The following TNRC18 variants were observed in gnomAD, a reference collection of about 807,000 sequenced individuals.
TNRC18 encodes the protein trinucleotide repeat-containing gene 18 protein.
In TNRC18, 69 loss-of-function variants were observed where a neutral mutation model predicts 226.7. The ratio of observed to expected loss-of-function variants is 0.30; its 90% CI spans 0.25 to 0.37. TNRC18 has a LOEUF of 0.37. Ranked by LOEUF, TNRC18 falls within the 10% of genes least tolerant of loss-of-function variation. The pLI is 1.00. For missense variants in TNRC18, 4,754 were observed against 4,256.6 expected, an observed-to-expected ratio of 1.12 and a Z score of -3.25; for synonymous variants, 2,449 against 1,927.6, an observed-to-expected ratio of 1.27 and a Z score of -7.09.
In TNRC18 at chr7:5,374,561, C is replaced by G. The variant is rs1308794185; in HGVS notation, c.2800-77G>C. The G allele has an allele frequency of 7.7e-6, 11 of 1,425,672 alleles. No individual in the cohort carries two copies. The South Asian group carries it at 9.4e-5, about 12-fold the overall frequency. The allele number at this position is 1,425,672 out of a possible 1,614,324, so 88.3% of individuals were successfully genotyped here. On this transcript the variant is annotated intron_variant, in intron 9 of 29. Coordinates refer to ENST00000430969, the MANE Select transcript of TNRC18 (RefSeq NM_001080495.3). Reference sequence around the variant, plus strand: ...CGACGCCCGCACCTGCCCTGTCCCCCCAAGGGTCCCCGAGTCCGAGGAGAA... The same window carrying G: ...CGACGCCCGCACCTGCCCTGTCCCCGCAAGGGTCCCCGAGTCCGAGGAGAA...
chr7:5,309,169 T>A lies in TNRC18; in HGVS notation c.8588A>T (p.Glu2863Val). The A allele has an allele frequency of 6.2e-7, 1 of 1,612,454 alleles. No homozygotes were observed. Among genetic ancestry groups the A allele is most frequent in the Non-Finnish European group, 8.5e-7 (1 of 1,179,700 alleles). ...VVRVKWFYHPEETSPGKQFHQ... is the reference protein window; with the variant it reads ...VVRVKWFYHPVETSPGKQFHQ... ...GAACTGCTTGCCCGGGCTGGTCTCCTCGGGGTGGTAGAACCACTTGACGCG... is the reference window on the plus strand; with the variant it reads ...GAACTGCTTGCCCGGGCTGGTCTCCACGGGGTGGTAGAACCACTTGACGCG... The change falls in exon 28 of 30, where the codon GAG becomes GTG. Residue 2863 changes from glutamate (E) to valine (V), a missense_variant. Coordinates refer to ENST00000430969, the MANE Select transcript of TNRC18 (RefSeq NM_001080495.3). This position sits in a 1 kb window ranked among gnomAD's most constrained non-coding sequence, Gnocchi z 5.7.
chr7:5,410,223 A>C (rs1021123653), intron 2 of TNRC18, among the ~76,000 whole-genome samples: 3 of 151,048 alleles, frequency 2.0e-5, no homozygotes, highest in African/African-American at 7.3e-5. Flanking sequence ...AGGAATGAGA[A>C]TCATTTGAAC....
At chr7:5,335,347 C>A (rs1789988666) in intron 18 of TNRC18, among the ~76,000 whole-genome samples, 1 of 145,828 alleles carries the variant, frequency 6.9e-6, no homozygotes, top group African/African-American at 2.5e-5. Context: ...CAGTGGCTCA[C>A]ACCTGTAATC....
rs187221079 is a variant in TNRC18 at position 5,377,168 on chromosome 7, T to A, written c.2462-175A>T. Reference sequence around the variant, plus strand: ...AAAGAGCACCCCAGAGCCACCCGCATTGGGCATCTGCCCCAAACAGGCATG... The same window carrying A: ...AAAGAGCACCCCAGAGCCACCCGCAATGGGCATCTGCCCCAAACAGGCATG... On this transcript the variant is annotated intron_variant, in intron 7 of 29. Coordinates refer to ENST00000430969, the MANE Select transcript of TNRC18 (RefSeq NM_001080495.3). This position sits in a 1 kb window ranked among gnomAD's most constrained non-coding sequence, Gnocchi z 5.8. Among the ~76,000 whole-genome samples the A allele has an allele frequency of 8.3e-4, 126 of 152,304 alleles. 2 individuals carry two copies. The East Asian group carries it at 0.022, about 27-fold the overall frequency.
intron 27 of TNRC18, among the ~76,000 whole-genome samples, chr7:5,310,304 A>C (rs1433178739): frequency 6.6e-6 from 1 of 152,152 alleles, no homozygotes; most frequent in Admixed American, 6.6e-5. Context: ...ATCTTGGCTC[A>C]CTGTAGCCTC....
rs947181353 is a variant in TNRC18, at chr7:5,312,402, G to A, written c.8388+101C>T. The A allele has an allele frequency of 3.4e-6, 5 of 1,470,044 alleles. No individual in the cohort carries two copies. In the East Asian group the frequency reaches 1.2e-4, roughly 36 times the overall value. The allele number at this position is 1,470,044 out of a possible 1,614,324, so 91.1% of individuals were successfully genotyped here. On this transcript the variant is annotated intron_variant, in intron 27 of 29. Coordinates refer to ENST00000430969, the MANE Select transcript of TNRC18 (RefSeq NM_001080495.3). This position sits in a 1 kb window ranked among gnomAD's most constrained non-coding sequence, Gnocchi z 6.3. ...GCCAGCCCTCCACCCTGGGGTTCTG[G>A]GAGGTTACCACACACGGAGACACAG...
intron 11 of TNRC18, among the ~76,000 whole-genome samples, chr7:5,367,722 C>T (rs1793751429): frequency 6.6e-6 from 1 of 151,538 alleles, no homozygotes; most frequent in Non-Finnish European, 1.5e-5. Context: ...GCCACCGTGC[C>T]TGGCCAACCA....
intron 2 of TNRC18, among the ~76,000 whole-genome samples, chr7:5,408,083 C>T (rs1348576261): frequency 1.3e-5 from 2 of 152,040 alleles, no homozygotes; most frequent in African/African-American, 2.4e-5. Context: ...GGGTGGATCA[C>T]GAGGTTAGGA....
intron 17 of TNRC18, among the ~76,000 whole-genome samples, chr7:5,349,950 C>T (rs1791610828): frequency 6.6e-6 from 1 of 152,218 alleles, no homozygotes; most frequent in Non-Finnish European, 1.5e-5. Context: ...CCGCACTCCC[C>T]TATCTGGGTC....
At chr7:5,409,977 C>A (rs1206442603) in intron 2 of TNRC18, among the ~76,000 whole-genome samples, 1 of 143,894 alleles carries the variant, frequency 6.9e-6, no homozygotes, top group Non-Finnish European at 1.5e-5. Context: ...GGTGAAAGAG[C>A]AAGACTACGT....
At chr7:5,363,531 G>T (rs542608301) in intron 11 of TNRC18, among the ~76,000 whole-genome samples, 1 of 152,258 alleles carries the variant, frequency 6.6e-6, no homozygotes, top group South Asian at 2.1e-4. Context: ...GAGAACCTGG[G>T]AGGCGGAGCT....
Position 5,387,739 on chromosome 7 carries a change from G to A in TNRC18, c.2085C>T (p.Gly695=), listed in dbSNP as rs548073889. The part of the protein sequence containing the change: ...AVAVARQKDS[G]GSGRLGPGLV... ...GCCCAGGCCCCAGCCGGCCACTGCC[G>A]CCACTGTCCTTCTGCCGGGCCACAG... Residue 695 remains glycine, a synonymous_variant, in exon 5 of 30, where the codon GGC becomes GGT. Transcript: ENST00000430969. The A allele has an allele frequency of 3.1e-6, 5 of 1,606,850 alleles. No individual in the cohort carries two copies. In the East Asian group the frequency reaches 6.7e-5, roughly 21 times the overall value.
intron 2 of TNRC18, among the ~76,000 whole-genome samples, chr7:5,398,450 G>A (rs141443831): frequency 0.033 from 4,969 of 150,854 alleles, 103 homozygotes; most frequent in Middle Eastern, 0.056. Flanking sequence ...GATTACAGGC[G>A]TGAGCCACCG....
rs748712591 is a variant in TNRC18 at position 5,370,891 on chromosome 7, G to A, written c.3703C>T (p.Arg1235Trp). Reference sequence around the variant, plus strand: ...AGGGCGGCGGTGCAGGGTTCTGTCCGGCCCGGGGAATCCACCCGTGGTTCA... The same window carrying A: ...AGGGCGGCGGTGCAGGGTTCTGTCCAGCCCGGGGAATCCACCCGTGGTTCA... ...GPEPRVDSPG[R>W]TEPCTAALDL... Residue 1235 changes from arginine to tryptophan, a missense_variant, in exon 11 of 30, where the codon CGG (arginine) becomes TGG (tryptophan). Coordinates refer to ENST00000430969, the MANE Select transcript of TNRC18 (RefSeq NM_001080495.3). The A allele has an allele frequency of 3.6e-5, 58 of 1,606,742 alleles. No individual in the cohort carries two copies. The highest frequency in any genetic ancestry group is 4.4e-5 in the Non-Finnish European group (52 of 1,179,722).
intron 21 of TNRC18, among the ~76,000 whole-genome samples, chr7:5,321,976 C>CT (rs761161662): frequency 2.6e-4 from 39 of 151,430 alleles, no homozygotes; most frequent in Non-Finnish European, 4.7e-4. Flanking sequence ...CGGCCTCTTT[C>CT]TTTTTTTTAA....
At chr7:5,315,905 TG>T in intron 25 of TNRC18, 50 bp downstream of exon 25, 2 of 1,403,600 alleles carry the variant, frequency 1.4e-6, no homozygotes, top group Non-Finnish European at 1.9e-6. Context: ...GGCGAGAGCC[TG>T]GGTGGGCGGC....
At chr7:5,325,292 A>G (rs1788784602) in intron 19 of TNRC18, 44 bp from the exon 20 acceptor site, 1 of 1,536,352 alleles carries the variant, frequency 6.5e-7, no homozygotes, top group African/African-American at 1.4e-5. Context: ...ACGGCAGGGA[A>G]AGCACAGGCA....
intron 18 of TNRC18, among the ~76,000 whole-genome samples, chr7:5,340,902 T>C (rs997775789): frequency 2.0e-5 from 3 of 152,186 alleles, no homozygotes; most frequent in African/African-American, 4.8e-5. Flanking sequence ...ATTTGCAATG[T>C]GGACAAAACA....
At position 5,389,014 on chromosome 7, in the gene TNRC18, C is replaced by T; in HGVS notation, c.810G>A (p.Lys270=). 7.5e-7 allele frequency: 1 copy of T among 1,340,112 alleles called. No individual in the cohort carries two copies. Among genetic ancestry groups the T allele is most frequent in the South Asian group, 1.6e-5 (1 of 62,710 alleles). The allele number at this position is 1,340,112 out of a possible 1,614,324, so 83.0% of individuals were successfully genotyped here. A position where few individuals can be genotyped will look rare whatever the true frequency, so the allele number is the denominator to read the frequency against. ...ERLSPFLAES[K]TKNAALQPSV... ...ACGGCTGCAGCGCCGCATTCTTGGT[C>T]TTGGACTCAGCCAGGAAGGGCGACA... Residue 270 remains lysine (K), a synonymous_variant, in exon 5 of 30, where the codon AAG becomes AAA. Coordinates refer to ENST00000430969, the MANE Select transcript of TNRC18 (RefSeq NM_001080495.3).
Sources: gnomAD v4.1 joint callset for allele counts (sites outside exome capture counted in the v4.1 genomes callset) on GRCh38, gnomAD v4.1.1 for gene constraint, Gnocchi (gnomAD v3.1) non-coding constraint, MANE v1.5 for transcripts, NCBI Gene and HGNC (gene_info 2026-07-23, HGNC 2026-07-21) for gene names.